The following JAM2 variants were observed in gnomAD, a reference collection of about 807,000 sequenced individuals.
JAM2 encodes junctional adhesion molecule B.
In JAM2, 17 loss-of-function variants were observed where a neutral mutation model predicts 42.0. That is an observed-to-expected ratio of 0.40 (90% confidence interval 0.28 to 0.61). The LOEUF is 0.61. JAM2 is among the 20% of genes least tolerant of loss of function. The pLI, the probability that JAM2 is intolerant of heterozygous loss-of-function variation, is 0.37. For missense variants in JAM2, 319 were observed against 358.3 expected (o/e 0.89, Z 0.89); for synonymous variants, 118 against 128.6 (o/e 0.92, Z 0.56).
rs2034179098 is a variant in JAM2, at chr21:25,702,163, C to T, written c.598-7C>T. The T allele has an allele frequency of 1.3e-6, 2 of 1,484,164 alleles. No individual in the cohort carries two copies. The highest frequency in any genetic ancestry group is 1.8e-6 in the Non-Finnish European group (2 of 1,081,394). The allele number at this position is 1,484,164 out of a possible 1,614,324, so 91.9% of individuals were successfully genotyped here. On this transcript the variant is annotated splice_polypyrimidine_tract_variant and splice_region_variant and intron_variant, in intron 5 of 9. Transcript: ENST00000480456. ...TTAAAAAAATATATTTTTGCATCCA[C>T]AAATAGCAATTTAATACTGTTTCCA...
chr21:25,712,483 C>A, intron 9 of JAM2, 101 bp downstream of exon 9: 1 of 789,798 alleles, frequency 1.3e-6, no homozygotes, highest in Non-Finnish European at 2.1e-6. Context: ...ACTTTTAATA[C>A]ACTTTGCACC....
chr21:25,712,650 C>T (rs2034407057), intron 9 of JAM2, among the ~76,000 whole-genome samples: 1 of 152,072 alleles, frequency 6.6e-6, no homozygotes, highest in Non-Finnish European at 1.5e-5. Context: ...ATTAGTCTGC[C>T]TTCTTAGTAT....
chr21:25,685,162 AT>A (rs956881095), intron 2 of JAM2, among the ~76,000 whole-genome samples: 5 of 152,158 alleles, frequency 3.3e-5, no homozygotes, highest in African/African-American at 1.2e-4. Flanking sequence ...AGTGGGGGGA[AT>A]TAAATGAGTT....
At chr21:25,690,050 G>C (rs1449174049) in intron 3 of JAM2, 77 bp downstream of exon 3, 8 of 873,206 alleles carry the variant, frequency 9.2e-6, no homozygotes, top group Admixed American at 9.1e-5. Context: ...TGGCAAATGA[G>C]ATCGGACATG....
At chr21:25,694,124 C>G (rs1479727727) in intron 4 of JAM2, among the ~76,000 whole-genome samples, 1 of 152,226 alleles carries the variant, frequency 6.6e-6, no homozygotes, top group Non-Finnish European at 1.5e-5. Context: ...TGCGTTATCA[C>G]AAAGTATCTC....
At chr21:25,694,804 C>A (rs2033960678) in intron 4 of JAM2, among the ~76,000 whole-genome samples, 2 of 149,478 alleles carry the variant, frequency 1.3e-5, no homozygotes, top group Admixed American at 1.3e-4. Flanking sequence ...TGTGCCACTG[C>A]ATTTTAACCT....
chr21:25,649,687 A>G (rs1308179819), intron 1 of JAM2, among the ~76,000 whole-genome samples: 1 of 152,170 alleles, frequency 6.6e-6, no homozygotes, highest in Non-Finnish European at 1.5e-5. Context: ...TATAATAGCA[A>G]TCTATATCCC....
At position 25,681,283 on chromosome 21, in the gene JAM2, C is replaced by A. The variant is rs1201600711; in HGVS notation, c.68-2600C>A. Among the ~76,000 whole-genome samples, 3 of 152,166 alleles carry A rather than the reference C, an allele frequency of 2.0e-5. No homozygotes were observed. The East Asian group carries it at 5.8e-4, about 29-fold the overall frequency. On this transcript the variant is annotated intron_variant, in intron 1 of 9. Transcript: ENST00000480456. ...TCTCACTCTGCTAATAAAGACATAC[C>A]CGAGACTGGGTACTTCATAAAGGAA...
At position 25,640,855 on chromosome 21, in the gene JAM2, T is replaced by A. The variant is rs141853639; in HGVS notation, c.67+967T>A. Reference sequence around the variant, plus strand: ...TTTCTGTCTCTCTTTCTTTCTTTTGTAAAATGAGTTATTGTTGCTATTCAC... The same window carrying A: ...TTTCTGTCTCTCTTTCTTTCTTTTGAAAAATGAGTTATTGTTGCTATTCAC... On this transcript the variant is annotated intron_variant, in intron 1 of 9. Transcript: ENST00000480456. 2.7e-3 allele frequency among the ~76,000 whole-genome samples: 406 copies of A among 152,274 alleles called. 3 individuals carry two copies. Among genetic ancestry groups the A allele is most frequent in the African/African-American group, 8.9e-3 (368 of 41,536 alleles).
At chr21:25,707,460 T>A (rs2034295650) in intron 7 of JAM2, among the ~76,000 whole-genome samples, 1 of 152,028 alleles carries the variant, frequency 6.6e-6, no homozygotes, top group Admixed American at 6.6e-5. Context: ...CCAGCCTGGG[T>A]GACAGAGCAA....
chr21:25,709,488 G>T, intron 8 of JAM2, 39 bp downstream of exon 8: 1 of 1,359,158 alleles, frequency 7.4e-7, no homozygotes, highest in Non-Finnish European at 1.0e-6. Flanking sequence ...TTTCTCCTAT[G>T]TCAACTAATT....
chr21:25,690,380 G>A (rs1471105096), intron 3 of JAM2, among the ~76,000 whole-genome samples: 1 of 151,334 alleles, frequency 6.6e-6, no homozygotes, highest in Non-Finnish European at 1.5e-5. Flanking sequence ...CCAGTCTGGA[G>A]CACAGTGGTA....
intron 1 of JAM2, among the ~76,000 whole-genome samples, chr21:25,652,501 C>G (rs1216439129): frequency 5.3e-5 from 8 of 152,034 alleles, no homozygotes; most frequent in African/African-American, 1.9e-4. Flanking sequence ...CATAATATTC[C>G]ACCAAACAGT....
chr21:25,650,279 A>G (rs371406203), intron 1 of JAM2, among the ~76,000 whole-genome samples: 1 of 152,342 alleles, frequency 6.6e-6, no homozygotes, highest in East Asian at 1.9e-4. Context: ...CAGTATTTTT[A>G]TAGGTTGGTG....
intron 4 of JAM2, among the ~76,000 whole-genome samples, chr21:25,694,498 G>A (rs2033952526): frequency 6.6e-6 from 1 of 152,072 alleles, no homozygotes; most frequent in African/African-American, 2.4e-5. Flanking sequence ...GAATCCAGAT[G>A]GGGTTAACTC....
intron 1 of JAM2, among the ~76,000 whole-genome samples, chr21:25,653,450 A>C (rs2032838210): frequency 2.6e-5 from 4 of 152,174 alleles, no homozygotes; most frequent in Non-Finnish European, 5.9e-5. Flanking sequence ...GAAACTGGGT[A>C]ATTTATGAAG....
Position 25,693,827 on chromosome 21 carries a change from G to A in JAM2, c.313G>A (p.Gly105Arg), listed in dbSNP as rs771511533. 1 of 1,614,134 alleles carries A rather than the reference G, an allele frequency of 6.2e-7. No homozygotes were observed. The highest frequency in any genetic ancestry group is 8.5e-7 in the Non-Finnish European group (1 of 1,179,966). Residue 105 changes from glycine (G) to arginine (R), a missense_variant, in exon 4 of 10, where the codon GGG becomes AGG. By Grantham distance (125) the Gly-to-Arg change is moderately radical (BLOSUM62 -2). Transcript: ENST00000480456. ...RIKNVTRSDA[G>R]KYRCEVSAPS... ...CAAAAATGTGACAAGAAGTGATGCGGGGAAATATCGTTGTGAAGTTAGTGC... is the reference window on the plus strand; with the variant it reads ...CAAAAATGTGACAAGAAGTGATGCGAGGAAATATCGTTGTGAAGTTAGTGC...
intron 1 of JAM2, among the ~76,000 whole-genome samples, chr21:25,675,635 A>G (rs1265945971): frequency 3.3e-5 from 5 of 151,466 alleles, no homozygotes; most frequent in South Asian, 2.1e-4. Flanking sequence ...AAGGAGGGAA[A>G]GAAGGGAGGA....
At chr21:25,713,968 T>C (rs1010824955) in intron 9 of JAM2, among the ~76,000 whole-genome samples, 1 of 152,256 alleles carries the variant, frequency 6.6e-6, no homozygotes, top group Non-Finnish European at 1.5e-5. Flanking sequence ...ACAGGGTTTC[T>C]CAACCTCAGC....
Sources: allele counts gnomAD v4.1 joint callset (sites outside exome capture counted in the v4.1 genomes callset), GRCh38; gene constraint gnomAD v4.1.1; transcripts MANE v1.5; gene names NCBI Gene and HGNC (gene_info 2026-07-23, HGNC 2026-07-21).